PTPN14: variants seen among roughly 807,000 people sequenced by gnomAD.
PTPN14 encodes the protein tyrosine-protein phosphatase non-receptor type 14.
PTPN14 carries 53 observed loss-of-function variants against 126.8 expected under a neutral mutation model. The observed-to-expected ratio is 0.42, with a 90% confidence interval of 0.34 to 0.53. The LOEUF is 0.53. Ranked by LOEUF, PTPN14 falls within the 20% of genes least tolerant of loss-of-function variation. PTPN14 has a pLI of 0.08. For missense variants in PTPN14, 1,257 were observed against 1,552.9 expected (o/e 0.81, Z 3.20); for synonymous variants, 630 against 599.3 (o/e 1.05, Z -0.75).
At chr1:214,417,786 C>G (rs1659458583) in intron 3 of PTPN14, among the ~76,000 whole-genome samples, 1 of 152,154 alleles carries the variant, frequency 6.6e-6, no homozygotes, top group African/African-American at 2.4e-5. Context: ...AACTCAGAGG[C>G]CGGGTACGTG....
chr1:214,544,163 C>T (rs1655911515), intron 1 of PTPN14, among the ~76,000 whole-genome samples: 1 of 152,208 alleles, frequency 6.6e-6, no homozygotes, highest in South Asian at 2.1e-4. Flanking sequence ...CAGGGGCCCA[C>T]GCCTGGAATC....
chr1:214,493,844 T>A (rs890900008), intron 1 of PTPN14, among the ~76,000 whole-genome samples: 1 of 152,154 alleles, frequency 6.6e-6, no homozygotes, highest in African/African-American at 2.4e-5. Context: ...CTTGTTGGCA[T>A]CTATCAAAAA....
intron 1 of PTPN14, among the ~76,000 whole-genome samples, chr1:214,545,934 G>A (rs190354812): frequency 5.3e-5 from 8 of 151,996 alleles, no homozygotes; most frequent in African/African-American, 1.5e-4. Flanking sequence ...GACTGGAGAC[G>A]ATAGCCAAGG....
chr1:214,486,540 A>G (rs949812764), intron 1 of PTPN14, among the ~76,000 whole-genome samples: 4 of 152,230 alleles, frequency 2.6e-5, no homozygotes, highest in Non-Finnish European at 4.4e-5. Flanking sequence ...TACTTACCAC[A>G]TTAGAGAAAT....
At chr1:214,460,690 GT>G (rs1660491904) in intron 2 of PTPN14, among the ~76,000 whole-genome samples, 3 of 151,932 alleles carry the variant, frequency 2.0e-5, no homozygotes, top group Non-Finnish European at 4.4e-5. Context: ...GTTCTTTCCT[GT>G]TTCTGTACCG....
intron 1 of PTPN14, chr1:214,532,448 C>A: frequency 1.2e-6 from 1 of 803,534 alleles, no homozygotes; most frequent in Non-Finnish European, 2.2e-6. Context: ...GCCTGAAAGA[C>A]CACCTGGCCT....
At chr1:214,376,012 CCT>C (rs1658334247) in intron 15 of PTPN14, among the ~76,000 whole-genome samples, 1 of 152,128 alleles carries the variant, frequency 6.6e-6, no homozygotes, top group African/African-American at 2.4e-5. Flanking sequence ...TGAAGTTCTT[CCT>C]GAGGCTGCTA....
chr1:214,476,444 T>C (rs757736090), intron 1 of PTPN14, among the ~76,000 whole-genome samples: 14 of 152,184 alleles, frequency 9.2e-5, no homozygotes, highest in Non-Finnish European at 1.6e-4. Flanking sequence ...GAGACAGTTG[T>C]TGCTTGTGAC....
chr1:214,354,464 A>G lies in PTPN14; in HGVS notation c.*3458T>C, dbSNP rs566701859. The stretch of plus-strand genomic sequence containing the variant: ...GGGAAAGAAGTGCATACCAATGTCT[A>G]TGCTATCTGTAAATGCTACCAGATA... On this transcript the variant is annotated 3_prime_UTR_variant, in exon 19 of 19. Coordinates refer to ENST00000366956, the MANE Select transcript of PTPN14 (RefSeq NM_005401.5). 1 of 152,314 alleles carries G rather than the reference A, an allele frequency of 6.6e-6. No individual in the cohort carries two copies. Among genetic ancestry groups the G allele is most frequent in the African/African-American group, 2.4e-5 (1 of 41,550 alleles). 9.4% of individuals were successfully genotyped at this position (152,314 alleles called of 1,614,324 possible).
intron 17 of PTPN14, among the ~76,000 whole-genome samples, chr1:214,365,236 G>A (rs547249292): frequency 6.6e-6 from 1 of 152,258 alleles, no homozygotes; most frequent in African/African-American, 2.4e-5. Flanking sequence ...GGATTCCACG[G>A]GGCTATGTGA....
intron 2 of PTPN14, among the ~76,000 whole-genome samples, chr1:214,458,869 T>C (rs1428593888): frequency 6.6e-6 from 1 of 152,136 alleles, no homozygotes; most frequent in African/African-American, 2.4e-5. Context: ...CATTTACACA[T>C]CCATGCTCCA....
intron 1 of PTPN14, among the ~76,000 whole-genome samples, chr1:214,490,005 T>C (rs936270026): frequency 2.0e-4 from 30 of 152,212 alleles, no homozygotes; most frequent in African/African-American, 7.2e-4. Context: ...TGTTAATAAA[T>C]GTTAGTTACT....
At chr1:214,413,962 CTGGCCTATCTTGCTTTCAATA>C (rs542525694) in intron 4 of PTPN14, among the ~76,000 whole-genome samples, 2,585 of 152,296 alleles carry the variant, frequency 0.017, 79 homozygotes, top group African/African-American at 0.058. Context: ...AGCCACCGCG[CTGGCCTATCTTGCTTTCAATA>C]TGGCCTATCT....
Position 214,383,322 on chromosome 1 carries a change from T to C in PTPN14, c.2533A>G (p.Met845Val), listed in dbSNP as rs559991957. The change falls in exon 13 of 19, where the codon ATG (methionine) becomes GTG (valine). Residue 845 changes from methionine (M) to valine (V), a missense_variant. Physicochemically the swap from Met to Val is conservative, Grantham distance 21. Transcript: ENST00000366956. This position sits in a 1 kb window ranked among gnomAD's most constrained non-coding sequence, Gnocchi z 4.4. ...SLEDSIIERE[M>V]MIRNLEKQKM... ...AGGAGGACACTCACCCTGATCATCA[T>C]CTCTCTCTCTATAATGCTGTCTTCC... is the stretch of plus-strand genomic sequence containing the variant. 3.1e-6 allele frequency: 5 copies of C among 1,609,896 alleles called. No individual in the cohort carries two copies. Among genetic ancestry groups the C allele is most frequent in the African/African-American group, 1.3e-5 (1 of 74,946 alleles).
intron 12 of PTPN14, among the ~76,000 whole-genome samples, 192 bp downstream of exon 12, chr1:214,386,652 G>C (rs902843980): frequency 5.9e-5 from 9 of 152,202 alleles, no homozygotes; most frequent in African/African-American, 2.2e-4. Context: ...AGCCAATACT[G>C]GGGAAATTTT....
rs371705066 is a variant in PTPN14, at chr1:214,389,647, A to G, written c.987+1341T>C. The stretch of plus-strand genomic sequence containing the variant: ...CTATAAACTGTCTTCATCCAAATAA[A>G]ATAGGTAAGCCTCTGCATCCTCTCT... On this transcript the variant is annotated intron_variant, in intron 11 of 18. Transcript: ENST00000366956. 1.1e-4 allele frequency among the ~76,000 whole-genome samples: 17 copies of G among 152,364 alleles called. No individual in the cohort carries two copies. In the South Asian group the frequency reaches 1.2e-3, roughly 11 times the overall value.
At chr1:214,453,573 T>TAAGG (rs367896795) in intron 2 of PTPN14, among the ~76,000 whole-genome samples, 40,949 of 152,112 alleles carry the variant, frequency 0.27, 6,242 homozygotes, top group Non-Finnish European at 0.34. Context: ...AGTAACTACA[T>TAAGG]CATAAGTGGT....
intron 3 of PTPN14, among the ~76,000 whole-genome samples, chr1:214,422,718 C>T (rs541354444): frequency 1.5e-4 from 23 of 152,178 alleles, no homozygotes; most frequent in African/African-American, 5.5e-4. Context: ...TACTGATATG[C>T]CTGGTCTGAA....
At chr1:214,387,482 G>C (rs1658647302) in intron 11 of PTPN14, among the ~76,000 whole-genome samples, 1 of 152,090 alleles carries the variant, frequency 6.6e-6, no homozygotes, top group South Asian at 2.1e-4. Context: ...CTGCACTTCA[G>C]GTTGGGCAAC....
Sources: gnomAD v4.1 joint callset for allele counts (sites outside exome capture counted in the v4.1 genomes callset) on GRCh38, gnomAD v4.1.1 for gene constraint, Gnocchi (gnomAD v3.1) non-coding constraint, MANE v1.5 for transcripts, NCBI Gene and HGNC (gene_info 2026-07-23, HGNC 2026-07-21) for gene names.